TFF3: variants seen among roughly 807,000 people sequenced by gnomAD.
TFF3 encodes the protein trefoil factor 3, also known as polypeptide P1.B.
TFF3 carries 6 observed loss-of-function variants against 9.7 expected under a neutral mutation model. The observed-to-expected ratio is 0.62, with a 90% CI of 0.34 to 1.22. The LOEUF (loss-of-function observed/expected upper bound fraction) is 1.22, where lower values mean the gene tolerates loss of function less well. Ranked by LOEUF, TFF3 falls within the 50% of genes most tolerant of loss-of-function variation. The probability of loss-of-function intolerance (pLI) is 0.04; values close to 1 mark genes in which losing one functional copy is unlikely to be tolerated. For missense variants in TFF3, 93 were observed against 98.6 expected (o/e 0.94, Z 0.24); for synonymous variants, 48 against 41.4 (o/e 1.16, Z -0.61).
chr21:42,313,428 C>T lies in TFF3; in HGVS notation c.229+57G>A, dbSNP rs747352431. ...CCAGCCCAGAAAGGACAGGGAGGCC[C>T]TGAGACCCCCTGCCTTATGGGGCTG... On this transcript the variant is annotated intron_variant, in intron 2 of 2. Coordinates refer to ENST00000518498, the MANE Select transcript of TFF3 (RefSeq NM_003226.4). The surrounding 1 kb of genome is among the most constrained non-coding windows in gnomAD (Gnocchi z 4.0). The T allele has an allele frequency of 6.4e-7, 1 of 1,550,968 alleles. No homozygotes were observed. Among genetic ancestry groups the T allele is most frequent in the East Asian group, 2.4e-5 (1 of 42,416 alleles).
Position 42,312,421 on chromosome 21 carries a change from A to G in TFF3, c.230-152T>C. 4 of 910,334 alleles carry G rather than the reference A, an allele frequency of 4.4e-6. No individual in the cohort carries two copies. In the South Asian group the frequency reaches 6.6e-5, roughly 15 times the overall value. 56.4% of individuals were successfully genotyped at this position (910,334 alleles called of 1,614,324 possible). On this transcript the variant is annotated intron_variant, in intron 2 of 2. Transcript: ENST00000518498. ...TTGAGTCCCCACCACATGGGGGAAT[A>G]GCCAAGATTCCCACCTCGGGTTGCT...
chr21:42,312,063 A>G lies in TFF3; in HGVS notation c.*193T>C. The G allele has an allele frequency of 1.3e-6, 1 of 784,606 alleles. No homozygotes were observed. 48.6% of individuals were successfully genotyped at this position (784,606 alleles called of 1,614,324 possible). A position where few individuals can be genotyped will look rare whatever the true frequency, so the allele number is the denominator to read the frequency against. ...CAACCTCAGAAAGTCTCAGGCACGAAGAACTGTCCTCGGGTGGAGCATGGG... is the reference window on the plus strand; with the variant it reads ...CAACCTCAGAAAGTCTCAGGCACGAGGAACTGTCCTCGGGTGGAGCATGGG... On this transcript the variant is annotated 3_prime_UTR_variant, in exon 3 of 3. Coordinates refer to ENST00000518498, the MANE Select transcript of TFF3 (RefSeq NM_003226.4).
Position 42,312,488 on chromosome 21 carries a change from G to A in TFF3, c.230-219C>T, listed in dbSNP as rs1047456687. ...CCCAGGGATCAGGCAGATAACAAGC[G>A]AGATGGGCCTTGGCAGGGCCATGGC... On this transcript the variant is annotated intron_variant, in intron 2 of 2. Transcript: ENST00000518498. 4.6e-5 allele frequency among the ~76,000 whole-genome samples: 7 copies of A among 152,322 alleles called. No homozygotes were observed. The South Asian group carries it at 8.3e-4, about 18-fold the overall frequency.
intron 1 of TFF3, 30 bp downstream of exon 1, chr21:42,315,263 T>C (rs2069351995): frequency 6.3e-7 from 1 of 1,599,146 alleles, no homozygotes; most frequent in African/African-American, 1.3e-5. Flanking sequence ...ACGCCCACCC[T>C]GCCACCGGGG....
At chr21:42,312,417 GA>G (rs2069336115) in intron 2 of TFF3, 148 bp from the exon 3 acceptor site, 1 of 914,974 alleles carries the variant, frequency 1.1e-6, no homozygotes, top group African/African-American at 1.6e-5. Context: ...CCACATGGGG[GA>G]ATAGCCAAGA....
chr21:42,312,400 G>A, intron 2 of TFF3, 131 bp from the exon 3 acceptor site: 1 of 1,084,666 alleles, frequency 9.2e-7, no homozygotes, highest in Admixed American at 2.4e-5. Flanking sequence ...GGAGTGTTGA[G>A]TCCCCACCAC....
chr21:42,312,416 G>T, intron 2 of TFF3, 147 bp from the exon 3 acceptor site: 1 of 949,242 alleles, frequency 1.1e-6, no homozygotes, highest in Non-Finnish European at 1.6e-6. Context: ...ACCACATGGG[G>T]GAATAGCCAA....
chr21:42,313,727 C>T lies in TFF3; in HGVS notation c.83-96G>A, dbSNP rs370929206. 7.1e-7 allele frequency: 1 copy of T among 1,403,566 alleles called. No individual in the cohort carries two copies. Among genetic ancestry groups the T allele is most frequent in the Non-Finnish European group, 9.5e-7 (1 of 1,056,952 alleles). 86.9% of individuals were successfully genotyped at this position (1,403,566 alleles called of 1,614,324 possible). The stretch of plus-strand genomic sequence containing the variant: ...TGCAAGTTTGCATCCTCCCGCTCCG[C>T]CCCACCCCGCCGAGTTCAACCACTG... On this transcript the variant is annotated intron_variant, in intron 1 of 2. Transcript: ENST00000518498. This position sits in a 1 kb window ranked among gnomAD's most constrained non-coding sequence, Gnocchi z 4.0.
At chr21:42,312,551 A>G (rs902937265) in intron 2 of TFF3, among the ~76,000 whole-genome samples, 1 of 152,160 alleles carries the variant, frequency 6.6e-6, no homozygotes, top group Non-Finnish European at 1.5e-5. Flanking sequence ...GTGGAGCTGA[A>G]GGAACAGGAC....
Position 42,311,986 on chromosome 21 carries a change from C to A in TFF3, c.*270G>T. On this transcript the variant is annotated 3_prime_UTR_variant, in exon 3 of 3. Coordinates refer to ENST00000518498, the MANE Select transcript of TFF3 (RefSeq NM_003226.4). ...TTCCTGCCCTTGAGGCCTGGGCAGA[C>A]TCTCCCCTGACACCCTCCCGCCCTC... is the stretch of plus-strand genomic sequence containing the variant. 1 of 661,506 alleles carries A rather than the reference C, an allele frequency of 1.5e-6. No individual in the cohort carries two copies. Among genetic ancestry groups the A allele is most frequent in the Non-Finnish European group, 2.8e-6 (1 of 361,016 alleles). The allele number at this position is 661,506 out of a possible 1,614,324, so 41.0% of individuals were successfully genotyped here. A position where few individuals can be genotyped will look rare whatever the true frequency, so the allele number is the denominator to read the frequency against.
chr21:42,314,741 G>C (rs1300461413), intron 1 of TFF3, among the ~76,000 whole-genome samples: 1 of 152,190 alleles, frequency 6.6e-6, no homozygotes, highest in African/African-American at 2.4e-5. Flanking sequence ...AAGCTCTCCA[G>C]GTGATTCTAA....
intron 1 of TFF3, among the ~76,000 whole-genome samples, chr21:42,314,764 T>G (rs2069349385): frequency 6.6e-6 from 1 of 152,170 alleles, no homozygotes; most frequent in African/African-American, 2.4e-5. Context: ...GGCTGCAAGT[T>G]CGGGAACCAC....
Position 42,313,730 on chromosome 21 carries a change from C to G in TFF3, c.83-99G>C. ...AAGTTTGCATCCTCCCGCTCCGCCC[C>G]ACCCCGCCGAGTTCAACCACTGCTG... On this transcript the variant is annotated intron_variant, in intron 1 of 2. Coordinates refer to ENST00000518498, the MANE Select transcript of TFF3 (RefSeq NM_003226.4). The surrounding 1 kb of genome is among the most constrained non-coding windows in gnomAD (Gnocchi z 4.0). 1.4e-6 allele frequency: 2 copies of G among 1,398,442 alleles called. No individual in the cohort carries two copies. The highest frequency in any genetic ancestry group is 1.9e-6 in the Non-Finnish European group (2 of 1,055,396). 86.6% of individuals were successfully genotyped at this position (1,398,442 alleles called of 1,614,324 possible).
At chr21:42,315,238 G>C in intron 1 of TFF3, 55 bp downstream of exon 1, 1 of 1,578,864 alleles carries the variant, frequency 6.3e-7, no homozygotes, top group South Asian at 1.1e-5. Context: ...CCCTTATCCT[G>C]GATCCCTTCC....
Position 42,313,713 on chromosome 21 carries a change from A to C in TFF3, c.83-82T>G. 6.8e-7 allele frequency: 1 copy of C among 1,478,322 alleles called. No homozygotes were observed. Among genetic ancestry groups the C allele is most frequent in the Non-Finnish European group, 9.1e-7 (1 of 1,104,694 alleles). 91.6% of individuals were successfully genotyped at this position (1,478,322 alleles called of 1,614,324 possible). On this transcript the variant is annotated intron_variant, in intron 1 of 2. Transcript: ENST00000518498. The surrounding 1 kb of genome is among the most constrained non-coding windows in gnomAD (Gnocchi z 4.0). ...TGTTTGCTTCACTTTGCAAGTTTGC[A>C]TCCTCCCGCTCCGCCCCACCCCGCC...
At chr21:42,314,647 A>G (rs2069348818) in intron 1 of TFF3, among the ~76,000 whole-genome samples, 1 of 152,214 alleles carries the variant, frequency 6.6e-6, no homozygotes, top group Non-Finnish European at 1.5e-5. Context: ...AAGCAAGGCT[A>G]TCTCAAAACA....
Position 42,313,085 on chromosome 21 carries a change from G to A in TFF3, c.229+400C>T, listed in dbSNP as rs1191657010. 1.3e-5 allele frequency among the ~76,000 whole-genome samples: 2 copies of A among 152,120 alleles called. No individual in the cohort carries two copies. The highest frequency in any genetic ancestry group is 3.9e-4 in the East Asian group (2 of 5,176). On this transcript the variant is annotated intron_variant, in intron 2 of 2. Coordinates refer to ENST00000518498, the MANE Select transcript of TFF3 (RefSeq NM_003226.4). This position sits in a 1 kb window ranked among gnomAD's most constrained non-coding sequence, Gnocchi z 4.0. ...ACCGAGGCCTGACGTCTAGGGCTGG[G>A]ACCGCCTGCCGTCTGTGTAGGGGAT...
rs557627155 is a variant in TFF3, at chr21:42,313,270, C to T, written c.229+215G>A. On this transcript the variant is annotated intron_variant, in intron 2 of 2. Coordinates refer to ENST00000518498, the MANE Select transcript of TFF3 (RefSeq NM_003226.4). This position sits in a 1 kb window ranked among gnomAD's most constrained non-coding sequence, Gnocchi z 4.0. ...TTTGAACACCTTTTTGAAACAATTG[C>T]TTTTATGTTTTACATAAAGGGGACA... Among the ~76,000 whole-genome samples the T allele has an allele frequency of 6.6e-5, 10 of 152,308 alleles. No individual in the cohort carries two copies. In the South Asian group the frequency reaches 1.9e-3, roughly 28 times the overall value.
rs762736918 is a variant in TFF3 at position 42,312,226 on chromosome 21, A to G, written c.*30T>C. 2.5e-6 allele frequency: 4 copies of G among 1,613,804 alleles called. No homozygotes were observed. The highest frequency in any genetic ancestry group is 1.3e-5 in the African/African-American group (1 of 74,944). The stretch of plus-strand genomic sequence containing the variant: ...CGGGCAAGGGTGCTCCGAGCCTCGC[A>G]TCCCCCGGCCGGGGGCAGCTGGAGG... On this transcript the variant is annotated 3_prime_UTR_variant, in exon 3 of 3. Transcript: ENST00000518498.
Sources: gnomAD v4.1 joint callset for allele counts (sites outside exome capture counted in the v4.1 genomes callset) on GRCh38, gnomAD v4.1.1 for gene constraint, Gnocchi (gnomAD v3.1) non-coding constraint, MANE v1.5 for transcripts, NCBI Gene and HGNC (gene_info 2026-07-23, HGNC 2026-07-21) for gene names.